SCHIP1: variants seen among roughly 807,000 people sequenced by gnomAD.
SCHIP1 encodes the protein schwannomin-interacting protein 1.
Under a neutral mutation model 29.7 loss-of-function variants are expected in SCHIP1, and 8 were observed. That is an observed-to-expected ratio of 0.27 (90% CI 0.16 to 0.49). SCHIP1 has a LOEUF of 0.49. Ranked by LOEUF, SCHIP1 falls within the 20% of genes least tolerant of loss-of-function variation. SCHIP1 has a pLI of 0.99. For missense variants in SCHIP1, 193 were observed against 294.6 expected, an observed-to-expected ratio of 0.66 and a Z score of 2.52; for synonymous variants, 76 against 94.9, an observed-to-expected ratio of 0.80 and a Z score of 1.16.
the SCHIP1 span, among the ~76,000 whole-genome samples, chr3:159,657,905 T>C: frequency 2.5e-3 from 377 of 152,330 alleles, 1 homozygote; most frequent in Middle Eastern, 0.01. Context: ...CCCTGACTTA[T>C]AGCTATGAAG....
At chr3:159,720,901 T>A in the SCHIP1 span, among the ~76,000 whole-genome samples, 1 of 152,204 alleles carries the variant, frequency 6.6e-6, no homozygotes, top group East Asian at 1.9e-4. Context: ...GCTCCTGTTT[T>A]CAGCAGAAAG....
chr3:159,303,655 A>G, the SCHIP1 span, among the ~76,000 whole-genome samples: 1 of 152,094 alleles, frequency 6.6e-6, no homozygotes, highest in African/African-American at 2.4e-5. Context: ...GAAGGTTTAC[A>G]AGCTCCTTTC....
chr3:159,722,990 T>A, the SCHIP1 span, among the ~76,000 whole-genome samples: 2 of 152,324 alleles, frequency 1.3e-5, no homozygotes, highest in Non-Finnish European at 2.9e-5. Flanking sequence ...CCCCTGGCTA[T>A]AGCAATTGGA....
chr3:159,522,397 G>T, the SCHIP1 span, among the ~76,000 whole-genome samples: 3 of 152,208 alleles, frequency 2.0e-5, no homozygotes, highest in Admixed American at 1.3e-4. Context: ...TATATAAAGT[G>T]ATTTACATGA....
chr3:159,413,121 C>A, the SCHIP1 span, among the ~76,000 whole-genome samples: 1 of 152,148 alleles, frequency 6.6e-6, no homozygotes, highest in Admixed American at 6.5e-5. Flanking sequence ...CCCATGAGAA[C>A]TCAGTCACTA....
the SCHIP1 span, among the ~76,000 whole-genome samples, chr3:159,497,713 G>A: frequency 5.3e-5 from 8 of 152,018 alleles, no homozygotes; most frequent in African/African-American, 1.7e-4. Flanking sequence ...GAAGGAGGGA[G>A]TGAGGGAAGA....
the SCHIP1 span, among the ~76,000 whole-genome samples, chr3:159,461,587 T>G: frequency 1.3e-5 from 2 of 151,838 alleles, no homozygotes; most frequent in African/African-American, 2.4e-5. Flanking sequence ...TTTTTTTTCT[T>G]TTTTTTGAGA....
At chr3:159,297,893 C>G in the SCHIP1 span, among the ~76,000 whole-genome samples, 4 of 152,102 alleles carry the variant, frequency 2.6e-5, no homozygotes, top group Non-Finnish European at 4.4e-5. Context: ...ATCAGCAGCC[C>G]CATCCCCACC....
chr3:159,417,550 T>G, the SCHIP1 span, among the ~76,000 whole-genome samples: 12 of 152,134 alleles, frequency 7.9e-5, no homozygotes, highest in African/African-American at 2.9e-4. Flanking sequence ...CTAAACATTT[T>G]CTAGATATAT....
At chr3:159,526,707 G>T in the SCHIP1 span, among the ~76,000 whole-genome samples, 1 of 152,176 alleles carries the variant, frequency 6.6e-6, no homozygotes, top group Admixed American at 6.5e-5. Context: ...TTTTTTAATA[G>T]AGTTATTCAA....
At chr3:159,778,037 T>G in the SCHIP1 span, among the ~76,000 whole-genome samples, 4 of 151,910 alleles carry the variant, frequency 2.6e-5, no homozygotes, top group Non-Finnish European at 5.9e-5. Flanking sequence ...CAGGCTGGAG[T>G]GCAGTGGCGT....
the SCHIP1 span, among the ~76,000 whole-genome samples, chr3:159,688,775 T>A: frequency 2.0e-5 from 3 of 152,238 alleles, 1 homozygote; most frequent in African/African-American, 7.2e-5. Context: ...GATTTTTGTA[T>A]AAAGCGTAAG....
chr3:159,843,076 A>G (rs769823746), intron 1 of SCHIP1, among the ~76,000 whole-genome samples: 2 of 129,760 alleles, frequency 1.5e-5, no homozygotes, highest in Non-Finnish European at 3.2e-5. Flanking sequence ...CAGTGGCGCA[A>G]TCTCAGTGGC....
the SCHIP1 span, among the ~76,000 whole-genome samples, chr3:159,828,433 A>C: frequency 1.3e-5 from 1 of 77,290 alleles, no homozygotes; most frequent in Non-Finnish European, 2.5e-5. Context: ...ATATATACGT[A>C]TATATACGTA....
the SCHIP1 span, among the ~76,000 whole-genome samples, chr3:159,423,052 G>T: frequency 6.6e-6 from 1 of 152,162 alleles, no homozygotes; most frequent in Non-Finnish European, 1.5e-5. Flanking sequence ...GATGAGTAAA[G>T]AATATGTCAT....
chr3:159,720,144 C>T, the SCHIP1 span, among the ~76,000 whole-genome samples: 8 of 149,078 alleles, frequency 5.4e-5, no homozygotes, highest in East Asian at 6.0e-4. Context: ...AACCAAACAC[C>T]GCATGTTCTC....
chr3:159,766,068 A>G, the SCHIP1 span, among the ~76,000 whole-genome samples: 5 of 152,250 alleles, frequency 3.3e-5, no homozygotes, highest in African/African-American at 1.2e-4. Flanking sequence ...TCCCCTGTTT[A>G]GCACTGCTTT....
the SCHIP1 span, among the ~76,000 whole-genome samples, chr3:159,492,802 G>C: frequency 6.6e-6 from 1 of 152,264 alleles, no homozygotes; most frequent in East Asian, 1.9e-4. Context: ...ATAATTGTCA[G>C]ATTCACCAAA....
the SCHIP1 span, among the ~76,000 whole-genome samples, chr3:159,616,393 C>A: frequency 6.6e-6 from 1 of 152,276 alleles, no homozygotes; most frequent in East Asian, 1.9e-4. Context: ...TGAGCCACCA[C>A]GCCTGGCCAC....
Sources: allele counts gnomAD v4.1 joint callset (sites outside exome capture counted in the v4.1 genomes callset), GRCh38; gene constraint gnomAD v4.1.1; transcripts MANE v1.5; gene names NCBI Gene and HGNC (gene_info 2026-07-23, HGNC 2026-07-21).